The following ACSS3 variants were observed in gnomAD, a reference collection of about 807,000 sequenced individuals.
ACSS3 encodes the protein acyl-CoA synthetase short-chain family member 3, mitochondrial.
In ACSS3, 64 loss-of-function variants were observed where a neutral mutation model predicts 84.2. The ratio of observed to expected loss-of-function variants is 0.76; its 90% CI spans 0.62 to 0.94. ACSS3 has a LOEUF of 0.94. Among genes scored for constraint, ACSS3 ranks in the 40% least tolerant of loss-of-function variants. The pLI is 0.00. For missense variants in ACSS3, 815 were observed against 867.6 expected (o/e 0.94, Z 0.76); for synonymous variants, 317 against 310.1 (o/e 1.02, Z -0.23).
At chr12:81,106,456 T>A (rs1408960111) in intron 1 of ACSS3, among the ~76,000 whole-genome samples, 1 of 152,144 alleles carries the variant, frequency 6.6e-6, no homozygotes, top group Non-Finnish European at 1.5e-5. Flanking sequence ...TCATTATATG[T>A]TATAATGTAA....
At chr12:81,146,449 A>G (rs1886346030) in intron 5 of ACSS3, among the ~76,000 whole-genome samples, 1 of 152,206 alleles carries the variant, frequency 6.6e-6, no homozygotes, top group African/African-American at 2.4e-5. Flanking sequence ...CTTGATCTTC[A>G]TGAGGAAAAA....
chr12:81,251,402 G>A (rs558751317), intron 13 of ACSS3, among the ~76,000 whole-genome samples: 7 of 152,154 alleles, frequency 4.6e-5, no homozygotes, highest in African/African-American at 1.7e-4. Flanking sequence ...GCCAATTTTG[G>A]TTCATCAGTT....
rs190494126 is a variant in ACSS3 at position 81,115,233 on chromosome 12, A to G, written c.456+5529A>G. Among the ~76,000 whole-genome samples the G allele has an allele frequency of 3.7e-4, 56 of 152,308 alleles. 1 individual carries two copies. In the South Asian group the frequency reaches 6.2e-3, roughly 17 times the overall value. ...TTCGTAGGGTATGCCCACGTTGGAC[A>G]TGAGTAGATAGTGCCAAACAATTTT... On this transcript the variant is annotated intron_variant, in intron 2 of 15. Coordinates refer to ENST00000548058, the MANE Select transcript of ACSS3 (RefSeq NM_024560.4).
At chr12:81,159,349 G>A (rs970731515) in intron 7 of ACSS3, among the ~76,000 whole-genome samples, 25 of 151,932 alleles carry the variant, frequency 1.6e-4, no homozygotes, top group South Asian at 4.2e-4. Flanking sequence ...CCAAAACCAG[G>A]AAAGAATAAT....
chr12:81,198,397 T>C (rs2031940802), intron 8 of ACSS3, among the ~76,000 whole-genome samples: 1 of 152,112 alleles, frequency 6.6e-6, no homozygotes, highest in South Asian at 2.1e-4. Context: ...AGTATTTGAA[T>C]CTCCATGAAT....
chr12:81,211,494 C>T (rs1345432737), intron 9 of ACSS3, among the ~76,000 whole-genome samples: 1 of 152,142 alleles, frequency 6.6e-6, no homozygotes, highest in Non-Finnish European at 1.5e-5. Context: ...TGTGGACCAT[C>T]TACCCACACA....
chr12:81,133,394 C>T (rs1885624825), intron 2 of ACSS3, among the ~76,000 whole-genome samples: 1 of 152,144 alleles, frequency 6.6e-6, no homozygotes, highest in Non-Finnish European at 1.5e-5. Flanking sequence ...CCCCTACAGG[C>T]CCTTTGGCTC....
At chr12:81,183,931 A>T (rs2031095534) in intron 8 of ACSS3, among the ~76,000 whole-genome samples, 1 of 151,990 alleles carries the variant, frequency 6.6e-6, no homozygotes, top group Non-Finnish European at 1.5e-5. Flanking sequence ...TGAACTTTTG[A>T]CAAAATTGCC....
chr12:81,199,642 C>T, intron 9 of ACSS3, 198 bp downstream of exon 9: 1 of 1,490,328 alleles, frequency 6.7e-7, no homozygotes, highest in Non-Finnish European at 8.9e-7. Flanking sequence ...TTGATGCCAC[C>T]ATTCTCTTGG....
chr12:81,134,081 A>G (rs1207013123), intron 2 of ACSS3, among the ~76,000 whole-genome samples: 1 of 152,200 alleles, frequency 6.6e-6, no homozygotes, highest in East Asian at 1.9e-4. Flanking sequence ...CAGAAAAAAA[A>G]AAAGAACTGT....
intron 7 of ACSS3, among the ~76,000 whole-genome samples, chr12:81,163,847 C>G (rs1031327404): frequency 2.0e-5 from 3 of 152,088 alleles, no homozygotes; most frequent in Admixed American, 6.5e-5. Flanking sequence ...TAATTTTGTT[C>G]AGTTGTACAA....
intron 9 of ACSS3, among the ~76,000 whole-genome samples, chr12:81,202,993 A>G (rs1430222110): frequency 3.3e-5 from 5 of 152,156 alleles, no homozygotes; most frequent in Non-Finnish European, 7.3e-5. Context: ...GAAGTCCTGT[A>G]ATAGGCCATC....
intron 2 of ACSS3, among the ~76,000 whole-genome samples, chr12:81,111,576 C>T (rs1259177258): frequency 1.3e-5 from 2 of 152,192 alleles, no homozygotes; most frequent in Non-Finnish European, 2.9e-5. Context: ...CGGGATAGGG[C>T]TGACATACTC....
chr12:81,116,907 A>C (rs936924891), intron 2 of ACSS3, among the ~76,000 whole-genome samples: 6 of 152,058 alleles, frequency 3.9e-5, no homozygotes, highest in Non-Finnish European at 7.4e-5. Flanking sequence ...ACAGGGTGAG[A>C]ATCTTTCTCA....
chr12:81,163,610 A>G (rs1887260314), intron 7 of ACSS3, among the ~76,000 whole-genome samples: 1 of 152,216 alleles, frequency 6.6e-6, no homozygotes, highest in Non-Finnish European at 1.5e-5. Flanking sequence ...AGAAGAAGTC[A>G]TTATTGTCAT....
intron 1 of ACSS3, 125 bp downstream of exon 1, chr12:81,078,556 G>A (rs1237005114): frequency 1.3e-5 from 14 of 1,041,702 alleles, no homozygotes; most frequent in Non-Finnish European, 1.8e-5. Context: ...GATGTGTTCA[G>A]ACCCCTCAAT....
chr12:81,128,805 C>G (rs924474119), intron 2 of ACSS3, among the ~76,000 whole-genome samples: 2 of 152,054 alleles, frequency 1.3e-5, no homozygotes, highest in Non-Finnish European at 2.9e-5. Context: ...TAATTTTCCA[C>G]CTGAAGTTGA....
chr12:81,099,197 A>T (rs34930378), intron 1 of ACSS3, among the ~76,000 whole-genome samples: 2 of 152,028 alleles, frequency 1.3e-5, no homozygotes, highest in African/African-American at 4.8e-5. Flanking sequence ...TGTTTCCAAT[A>T]TGTTGGCTTT....
intron 2 of ACSS3, among the ~76,000 whole-genome samples, chr12:81,123,642 C>T (rs1884829336): frequency 6.6e-6 from 1 of 152,066 alleles, no homozygotes; most frequent in African/African-American, 2.4e-5. Flanking sequence ...GTCCCCAGTG[C>T]CCAGTGTCTA....
Sources: gnomAD v4.1 joint callset for allele counts (sites outside exome capture counted in the v4.1 genomes callset) on GRCh38, gnomAD v4.1.1 for gene constraint, MANE v1.5 for transcripts, NCBI Gene and HGNC (gene_info 2026-07-23, HGNC 2026-07-21) for gene names.